Variants in KPNA4 observed in about 807,000 individuals in gnomAD.
The protein encoded by KPNA4 is importin subunit alpha-3.
KPNA4 carries 13 observed loss-of-function variants against 71.3 expected under a neutral mutation model. The ratio of observed to expected loss-of-function variants is 0.18; its 90% CI spans 0.12 to 0.29. The LOEUF (loss-of-function observed/expected upper bound fraction) is 0.29. Among genes scored for constraint, KPNA4 ranks in the 10% least tolerant of loss-of-function variants. The pLI, the probability that KPNA4 is intolerant of heterozygous loss-of-function variation, is 1.00. For synonymous variants in KPNA4, 189 were observed against 195.2 expected, an observed-to-expected ratio of 0.97 and a Z score of 0.26; for missense variants, 334 against 603.2, an observed-to-expected ratio of 0.55 and a Z score of 4.67.
At chr3:160,537,615 G>T (rs375691827) in intron 1 of KPNA4, among the ~76,000 whole-genome samples, 27 of 148,116 alleles carry the variant, frequency 1.8e-4, no homozygotes, top group African/African-American at 6.3e-4. Context: ...ATTACGTAGC[G>T]GTAACAACTC....
At position 160,525,916 on chromosome 3, in the gene KPNA4, ATT is replaced by A; in HGVS notation, c.726+20_726+21del. 1 of 1,535,160 alleles carries A rather than the reference ATT, an allele frequency of 6.5e-7. No individual in the cohort carries two copies. The highest frequency in any genetic ancestry group is 1.3e-5 in the South Asian group (1 of 75,050). On this transcript the variant is annotated intron_variant, in intron 9 of 16. Transcript: ENST00000334256. ...TATATATATAATGGTATCTCTTTTA[ATT>A]TTTTTTTAAAAGTGTTTACCTCCTG...
At chr3:160,511,385 G>A (rs1444608556) in intron 13 of KPNA4, among the ~76,000 whole-genome samples, 6 of 152,170 alleles carry the variant, frequency 3.9e-5, no homozygotes, top group East Asian at 1.9e-4. Context: ...GATTACAGGC[G>A]TGAGCCACTG....
At chr3:160,525,049 C>A (rs1178281146) in intron 10 of KPNA4, among the ~76,000 whole-genome samples, 1 of 152,200 alleles carries the variant, frequency 6.6e-6, no homozygotes, top group Non-Finnish European at 1.5e-5. Context: ...CTCTAACACA[C>A]CAAAGGCTGG....
At chr3:160,556,816 G>T (rs1156980000) in intron 1 of KPNA4, among the ~76,000 whole-genome samples, 1 of 152,142 alleles carries the variant, frequency 6.6e-6, no homozygotes, top group Non-Finnish European at 1.5e-5. Flanking sequence ...GAGAAAAAAC[G>T]TGAACAAATT....
At chr3:160,516,127 C>T (rs1721215332) in intron 11 of KPNA4, among the ~76,000 whole-genome samples, 1 of 152,036 alleles carries the variant, frequency 6.6e-6, no homozygotes, top group Non-Finnish European at 1.5e-5. Context: ...GCTGGGATTA[C>T]AGGCGCGTGC....
intron 13 of KPNA4, among the ~76,000 whole-genome samples, chr3:160,512,658 C>T (rs1373574790): frequency 6.6e-6 from 1 of 152,072 alleles, no homozygotes; most frequent in Non-Finnish European, 1.5e-5. Flanking sequence ...ATGGTGAAAC[C>T]GCATCTCTAC....
intron 1 of KPNA4, among the ~76,000 whole-genome samples, chr3:160,554,856 C>T (rs1722106236): frequency 6.6e-6 from 1 of 152,218 alleles, no homozygotes; most frequent in South Asian, 2.1e-4. Flanking sequence ...GGCTGTTCAT[C>T]TGTATCCTTT....
At position 160,500,525 on chromosome 3, in the gene KPNA4, TTC is replaced by T. The variant is rs1200751442; in HGVS notation, c.*1577_*1578del. On this transcript the variant is annotated 3_prime_UTR_variant, in exon 17 of 17. Coordinates refer to ENST00000334256, the MANE Select transcript of KPNA4 (RefSeq NM_002268.5). ...CTACAATGAGCCACCTTATAAAGAG[TTC>T]TTTTTGTACAAATTAATTTATGTCA... 3.3e-5 allele frequency: 5 copies of T among 152,678 alleles called. No individual in the cohort carries two copies. Among genetic ancestry groups the T allele is most frequent in the Non-Finnish European group, 1.5e-5 (1 of 68,002 alleles). 9.5% of individuals were successfully genotyped at this position (152,678 alleles called of 1,614,324 possible). A position where few individuals can be genotyped will look rare whatever the true frequency, so the allele number is the denominator to read the frequency against.
intron 1 of KPNA4, among the ~76,000 whole-genome samples, chr3:160,555,580 G>T (rs1169646322): frequency 6.6e-6 from 1 of 152,108 alleles, no homozygotes; most frequent in Admixed American, 6.5e-5. Flanking sequence ...ACAATATATT[G>T]TAAGAAAAGT....
intron 1 of KPNA4, among the ~76,000 whole-genome samples, chr3:160,543,854 C>T (rs1721853423): frequency 6.6e-6 from 1 of 151,906 alleles, no homozygotes; most frequent in African/African-American, 2.4e-5. Flanking sequence ...ACATGGGAAT[C>T]CTTGACCTTT....
chr3:160,516,053 C>T (rs1308194171), intron 11 of KPNA4, among the ~76,000 whole-genome samples: 1 of 152,218 alleles, frequency 6.6e-6, no homozygotes, highest in African/African-American at 2.4e-5. Flanking sequence ...GTGGCTCGAT[C>T]CTGGCTCACT....
rs904920242 is a variant in KPNA4 at position 160,497,091 on chromosome 3, A to G, written c.*5013T>C. 6.6e-6 allele frequency: 1 copy of G among 152,184 alleles called. No individual in the cohort carries two copies. Among genetic ancestry groups the G allele is most frequent in the Non-Finnish European group, 1.5e-5 (1 of 68,038 alleles). 9.4% of individuals were successfully genotyped at this position (152,184 alleles called of 1,614,324 possible). A position where few individuals can be genotyped will look rare whatever the true frequency, so the allele number is the denominator to read the frequency against. On this transcript the variant is annotated 3_prime_UTR_variant, in exon 17 of 17. Coordinates refer to ENST00000334256, the MANE Select transcript of KPNA4 (RefSeq NM_002268.5). ...TGATCACACTAGAATAGTTTTACCAATGTTCATTATTTTTCAACTTCCTTT... is the reference window on the plus strand; with the variant it reads ...TGATCACACTAGAATAGTTTTACCAGTGTTCATTATTTTTCAACTTCCTTT...
chr3:160,502,372 T>C (rs1420695906), intron 16 of KPNA4, among the ~76,000 whole-genome samples, 170 bp from the exon 17 acceptor site: 6 of 152,118 alleles, frequency 3.9e-5, no homozygotes, highest in Admixed American at 2.6e-4. Flanking sequence ...GGTTTTTTTT[T>C]TCTTTCTTTC....
At chr3:160,515,618 C>T in intron 11 of KPNA4, 38 bp from the exon 12 acceptor site, 4 of 1,449,666 alleles carry the variant, frequency 2.8e-6, no homozygotes, top group Non-Finnish European at 2.8e-6. Context: ...ATGTGAAATC[C>T]TTTTTTTTTT....
chr3:160,552,587 TATC>T (rs976512578), intron 1 of KPNA4, among the ~76,000 whole-genome samples: 1 of 152,194 alleles, frequency 6.6e-6, no homozygotes, highest in African/African-American at 2.4e-5. Context: ...CACACAAATA[TATC>T]ATCAGTGCTC....
chr3:160,508,011 A>G (rs1721020912), intron 15 of KPNA4, 96 bp downstream of exon 15: 1 of 946,454 alleles, frequency 1.1e-6, no homozygotes, highest in African/African-American at 1.7e-5. Flanking sequence ...TGAATATCTA[A>G]GACAGAAAAA....
chr3:160,529,090 G>A (rs533943402), intron 7 of KPNA4, among the ~76,000 whole-genome samples: 6 of 151,932 alleles, frequency 3.9e-5, no homozygotes, highest in East Asian at 1.9e-4. Context: ...CACCAAGCCC[G>A]GCTAATTTTT....
chr3:160,517,997 T>C (rs908483653), intron 11 of KPNA4, among the ~76,000 whole-genome samples: 17 of 152,200 alleles, frequency 1.1e-4, no homozygotes, highest in African/African-American at 4.1e-4. Flanking sequence ...CAATTCTTTT[T>C]CTTTGGTTGC....
chr3:160,545,748 C>T (rs184108715), intron 1 of KPNA4, among the ~76,000 whole-genome samples: 31 of 152,276 alleles, frequency 2.0e-4, no homozygotes, highest in Non-Finnish European at 3.7e-4. Flanking sequence ...GTGCAGTAAT[C>T]CCAGCAACAG....
Sources: gnomAD v4.1 joint callset for allele counts (sites outside exome capture counted in the v4.1 genomes callset) on GRCh38, gnomAD v4.1.1 for gene constraint, MANE v1.5 for transcripts, NCBI Gene and HGNC (gene_info 2026-07-23, HGNC 2026-07-21) for gene names.